ATF2: variants seen among roughly 807,000 people sequenced by gnomAD.
ATF2 encodes the protein activating transcription factor 2, also known as cyclic AMP-dependent transcription factor ATF-2.
ATF2 carries 24 observed loss-of-function variants against 60.6 expected under a neutral mutation model. That is an observed-to-expected ratio of 0.40 (90% CI 0.29 to 0.56). The LOEUF is 0.56. ATF2 is among the 20% of genes least tolerant of loss of function. The probability of loss-of-function intolerance (pLI) is 0.54; values close to 1 mark genes in which losing one functional copy is unlikely to be tolerated. For synonymous variants in ATF2, 206 were observed against 215.4 expected (o/e 0.96, Z 0.38); for missense variants, 433 against 607.7 (o/e 0.71, Z 3.02).
At chr2:175,112,271 T>C (rs992925164) in intron 9 of ATF2, among the ~76,000 whole-genome samples, 1 of 152,172 alleles carries the variant, frequency 6.6e-6, no homozygotes, top group Non-Finnish European at 1.5e-5. Flanking sequence ...ATAATCAGAA[T>C]CTCAAAAACA....
intron 2 of ATF2, among the ~76,000 whole-genome samples, chr2:175,147,161 C>T (rs1699017789): frequency 6.6e-6 from 1 of 152,036 alleles, no homozygotes; most frequent in African/African-American, 2.4e-5. Flanking sequence ...CTCCTTGTTC[C>T]CTTTTTAAAA....
intron 5 of ATF2, among the ~76,000 whole-genome samples, chr2:175,119,467 C>T (rs1343226384): frequency 4.0e-5 from 6 of 151,400 alleles, no homozygotes; most frequent in African/African-American, 1.5e-4. Context: ...TACCTTTGCC[C>T]CCCACATGTA....
At position 175,074,751 on chromosome 2, in the gene ATF2, G is replaced by C; in HGVS notation, c.1376C>G (p.Thr459Arg). 6.2e-7 allele frequency: 1 copy of C among 1,613,580 alleles called. No homozygotes were observed. ...GGAGGTTGAACTGACTCCATTGGAT[G>C]TGCTGACCGAACTATGCTGTATAGC... ...TEAIQHSSVS[T>R]SNGVSSTSKA... The change falls in exon 14 of 14, where the codon ACA becomes AGA. Residue 459 changes from threonine to arginine, a missense_variant. This residue lies in a region of ATF2 where 114 missense variants were observed against 104.0 expected (regional missense o/e 1.10). Transcript: ENST00000264110.
At chr2:175,117,105 A>G (rs1209877577) in intron 7 of ATF2, among the ~76,000 whole-genome samples, 1 of 151,884 alleles carries the variant, frequency 6.6e-6, no homozygotes, top group African/African-American at 2.4e-5. Context: ...TCTAGAAAAA[A>G]ATGTTTCAAG....
chr2:175,121,467 C>T lies in ATF2; in HGVS notation c.176G>A (p.Arg59His), dbSNP rs1489555819. Residue 59 changes from arginine (R) to histidine (H), a missense_variant, in exon 5 of 14, where the codon CGT becomes CAT. By Grantham distance (29) the Arg-to-His change is conservative. Transcript: ENST00000264110. ...ACCAGCCACAATGACACTGTCATTA[C>T]GTGCTGGACCAAATTTCAGTGTCAT... Reference protein sequence around the residue: ...HEMTLKFGPARNDSVIVADQT... With the variant: ...HEMTLKFGPAHNDSVIVADQT... 1.2e-6 allele frequency: 2 copies of T among 1,601,356 alleles called. No homozygotes were observed. The highest frequency in any genetic ancestry group is 1.7e-6 in the Non-Finnish European group (2 of 1,173,010).
intron 12 of ATF2, among the ~76,000 whole-genome samples, chr2:175,087,799 A>T (rs962035851): frequency 6.6e-6 from 1 of 152,176 alleles, no homozygotes; most frequent in Non-Finnish European, 1.5e-5. Flanking sequence ...AAAAATTTAT[A>T]TTTTTAACAG....
intron 11 of ATF2, 48 bp from the exon 12 acceptor site, chr2:175,093,315 G>A: frequency 1.3e-6 from 2 of 1,569,902 alleles, no homozygotes; most frequent in Non-Finnish European, 1.7e-6. Context: ...TCTAGTGAGT[G>A]AATTAACATA....
intron 4 of ATF2, among the ~76,000 whole-genome samples, chr2:175,127,786 G>A (rs188852255): frequency 1.3e-5 from 2 of 152,222 alleles, no homozygotes; most frequent in Admixed American, 1.3e-4. Flanking sequence ...CCTTAGCAGA[G>A]GCACATTCCC....
At chr2:175,104,317 G>A (rs577107742) in intron 10 of ATF2, among the ~76,000 whole-genome samples, 3 of 152,166 alleles carry the variant, frequency 2.0e-5, no homozygotes, top group Non-Finnish European at 4.4e-5. Context: ...TTAACAGATT[G>A]TGATCATAAA....
intron 11 of ATF2, among the ~76,000 whole-genome samples, chr2:175,094,456 T>C (rs920222001): frequency 1.9e-4 from 22 of 113,878 alleles, no homozygotes; most frequent in Admixed American, 1.8e-4. Flanking sequence ...CTCTTGGAAA[T>C]GGTGCAGAGA....
intron 10 of ATF2, among the ~76,000 whole-genome samples, chr2:175,108,448 G>A (rs778402205): frequency 6.9e-5 from 10 of 145,798 alleles, no homozygotes; most frequent in South Asian, 2.2e-4. Flanking sequence ...CAGCAGCCCC[G>A]TCCGGGAGGG....
At chr2:175,085,598 A>AC (rs1553501579) in intron 12 of ATF2, among the ~76,000 whole-genome samples, 1,279 of 117,530 alleles carry the variant, frequency 0.011, 23 homozygotes, top group African/African-American at 0.033. Context: ...ACACACACAC[A>AC]AATTCTCTCT....
chr2:175,163,026 T>C (rs947273002), intron 1 of ATF2, among the ~76,000 whole-genome samples: 2 of 151,870 alleles, frequency 1.3e-5, no homozygotes, highest in Non-Finnish European at 2.9e-5. Flanking sequence ...CCCAGCTACT[T>C]GGGAGGCTGA....
At chr2:175,134,989 A>G (rs1179549225) in intron 3 of ATF2, among the ~76,000 whole-genome samples, 1 of 149,246 alleles carries the variant, frequency 6.7e-6, no homozygotes, top group African/African-American at 2.5e-5. Context: ...GGGTGACAAA[A>G]TAAGACCCCA....
At chr2:175,113,844 T>C (rs769825026) in intron 9 of ATF2, 150 bp downstream of exon 9, 12 of 732,114 alleles carry the variant, frequency 1.6e-5, no homozygotes, top group Non-Finnish European at 2.3e-5. Context: ...GAATGGTATA[T>C]GCTATTACAA....
chr2:175,157,683 T>A (rs974855433), intron 1 of ATF2, among the ~76,000 whole-genome samples: 1 of 152,120 alleles, frequency 6.6e-6, no homozygotes, highest in Non-Finnish European at 1.5e-5. Flanking sequence ...TAGACACGAC[T>A]TTATTCCCTT....
intron 10 of ATF2, among the ~76,000 whole-genome samples, chr2:175,107,550 G>GTCTCCC (rs1366845773): frequency 1.0e-3 from 141 of 141,692 alleles, no homozygotes; most frequent in African/African-American, 3.9e-3. Context: ...TCTCCCCACG[G>GTCTCCC]TCTCCCTCTC....
At chr2:175,076,897 T>C (rs1465596141) in intron 13 of ATF2, among the ~76,000 whole-genome samples, 3 of 151,846 alleles carry the variant, frequency 2.0e-5, no homozygotes, top group Admixed American at 6.6e-5. Context: ...GCTGCACCCA[T>C]TAACTCGTCA....
intron 5 of ATF2, among the ~76,000 whole-genome samples, chr2:175,120,860 T>C (rs1405037513): frequency 2.0e-5 from 3 of 151,760 alleles, no homozygotes; most frequent in African/African-American, 7.2e-5. Context: ...ATGTATGAAC[T>C]GGGTTTTTCT....
Sources: allele counts gnomAD v4.1 joint callset (sites outside exome capture counted in the v4.1 genomes callset), GRCh38; gene constraint gnomAD v4.1.1; regional missense constraint gnomAD v4.1.1; transcripts MANE v1.5; gene names NCBI Gene and HGNC (gene_info 2026-07-23, HGNC 2026-07-21).